C2orf49: variants seen among roughly 807,000 people sequenced by gnomAD.
The protein encoded by C2orf49 is tRNA-splicing ligase complex subunit ASW.
C2orf49 carries 11 observed loss-of-function variants against 20.6 expected under a neutral mutation model. The ratio of observed to expected loss-of-function variants is 0.53; its 90% CI spans 0.34 to 0.88. The LOEUF is 0.88. C2orf49 is among the 40% of genes least tolerant of loss of function. The pLI is 0.02. For missense variants in C2orf49, 289 were observed against 274.2 expected, an observed-to-expected ratio of 1.05 and a Z score of -0.38; for synonymous variants, 134 against 108.5, an observed-to-expected ratio of 1.24 and a Z score of -1.46.
At chr2:105,350,217 C>T (rs530036686), downstream of C2orf49, among the ~76,000 whole-genome samples, 11 of 152,102 alleles carry the variant, frequency 7.2e-5, no homozygotes, top group African/African-American at 1.9e-4. Context: ...CACTAAGTGT[C>T]GGGGGTAGTT....
At chr2:105,342,501 A>G (rs1295200648) in intron 2 of C2orf49, among the ~76,000 whole-genome samples, 4 of 152,240 alleles carry the variant, frequency 2.6e-5, no homozygotes, top group African/African-American at 9.6e-5. Context: ...ATAACTGATT[A>G]CATGGTTAAG....
At chr2:105,372,122 A>C in the C2orf49 span, among the ~76,000 whole-genome samples, 10 of 152,358 alleles carry the variant, frequency 6.6e-5, no homozygotes, top group South Asian at 2.1e-3. Context: ...CAGTTGTTTT[A>C]AAGTTATATT....
At chr2:105,356,309 TGA>T in the C2orf49 span, among the ~76,000 whole-genome samples, 1 of 152,182 alleles carries the variant, frequency 6.6e-6, no homozygotes, top group Non-Finnish European at 1.5e-5. Context: ...GAGAATCACT[TGA>T]ACCTAGGAGG....
rs1311769921 is a variant in C2orf49, at chr2:105,349,121, A to G, written c.*3750A>G. On this transcript the variant is annotated 3_prime_UTR_variant, in exon 4 of 4. Transcript: ENST00000258457. Reference sequence around the variant, plus strand: ...ATTCAGTTGAGAGATTTTATGTTAGAGTGATCTGAAAAAAAGTTAATTTCT... The same window carrying G: ...ATTCAGTTGAGAGATTTTATGTTAGGGTGATCTGAAAAAAAGTTAATTTCT... 1 of 152,222 alleles carries G rather than the reference A, an allele frequency of 6.6e-6. No homozygotes were observed. The highest frequency in any genetic ancestry group is 1.9e-4 in the East Asian group (1 of 5,196). 9.4% of individuals were successfully genotyped at this position (152,222 alleles called of 1,614,324 possible).
the C2orf49 span, among the ~76,000 whole-genome samples, chr2:105,372,988 G>C: frequency 6.6e-6 from 1 of 152,108 alleles, no homozygotes; most frequent in Admixed American, 6.5e-5. Context: ...AAAACCATGA[G>C]GGACACAGTC....
intron 2 of C2orf49, among the ~76,000 whole-genome samples, chr2:105,341,392 C>A (rs1679666115): frequency 6.6e-6 from 1 of 152,194 alleles, no homozygotes; most frequent in Non-Finnish European, 1.5e-5. Flanking sequence ...AAGAGATCAT[C>A]TTGTATTGTT....
the C2orf49 span, among the ~76,000 whole-genome samples, chr2:105,382,209 G>C: frequency 6.6e-6 from 1 of 152,286 alleles, no homozygotes. Flanking sequence ...AACAACTTGA[G>C]CCTCAATTCT....
chr2:105,373,795 T>C, the C2orf49 span: 4 of 1,568,930 alleles, frequency 2.5e-6, no homozygotes, highest in Non-Finnish European at 1.7e-6. Context: ...ACCCACAGCA[T>C]AGGGGCCCCT....
At chr2:105,339,136 A>G (rs978131888) in intron 1 of C2orf49, among the ~76,000 whole-genome samples, 2 of 152,256 alleles carry the variant, frequency 1.3e-5, no homozygotes, top group African/African-American at 2.4e-5. Context: ...TTAGAGAAGC[A>G]CGAGAAATAT....
At chr2:105,377,924 G>T in the C2orf49 span, 1 of 402,192 alleles carries the variant, frequency 2.5e-6, no homozygotes, top group Non-Finnish European at 5.1e-6. Flanking sequence ...CGCCCAGAGG[G>T]GTGGCAAGTT....
At chr2:105,352,792 T>C (rs1326524513), downstream of C2orf49, among the ~76,000 whole-genome samples, 2 of 152,114 alleles carry the variant, frequency 1.3e-5, no homozygotes, top group East Asian at 1.9e-4. Context: ...GATAAAAATT[T>C]GAGAAGGAAT....
At chr2:105,375,803 G>A in the C2orf49 span, 2 of 152,260 alleles carry the variant, frequency 1.3e-5, no homozygotes, top group African/African-American at 4.8e-5. Context: ...TCATCCTTGA[G>A]AACCCAAACT....
intron 3 of C2orf49, 80 bp from the exon 4 acceptor site, chr2:105,345,235 C>G: frequency 4.7e-6 from 6 of 1,277,630 alleles, no homozygotes; most frequent in Non-Finnish European, 6.7e-6. Flanking sequence ...AATAGTAAAC[C>G]TTGGTTGTTT....
rs180906133 is a variant in C2orf49 at position 105,345,396 on chromosome 2, A to T, written c.*25A>T. ...AAGAAAAGTTTCCAAAAATGTAAAT[A>T]TACTGTAACTGTAGTTTTTCAAATA... On this transcript the variant is annotated 3_prime_UTR_variant, in exon 4 of 4. Coordinates refer to ENST00000258457, the MANE Select transcript of C2orf49 (RefSeq NM_024093.3). The T allele has an allele frequency of 4.1e-4, 628 of 1,545,948 alleles. 2 individuals carry two copies. Among genetic ancestry groups the T allele is most frequent in the Non-Finnish European group, 5.3e-4 (596 of 1,122,182 alleles).
At chr2:105,378,263 C>A in the C2orf49 span, 3 of 455,882 alleles carry the variant, frequency 6.6e-6, no homozygotes, top group Admixed American at 7.2e-5. Flanking sequence ...ACACTTGAAA[C>A]TGTCCCTCTA....
chr2:105,351,209 A>G (rs1558670508), downstream of C2orf49, among the ~76,000 whole-genome samples: 3 of 149,518 alleles, frequency 2.0e-5, no homozygotes, highest in Non-Finnish European at 3.0e-5. Flanking sequence ...ACATGATACT[A>G]CTTTTGAGGT....
the C2orf49 span, chr2:105,361,373 G>C: frequency 5.6e-6 from 9 of 1,614,020 alleles, no homozygotes; most frequent in Non-Finnish European, 5.9e-6. Context: ...ACTTCTTACA[G>C]TTAAAGCAGT....
chr2:105,353,203 A>T (rs1679979149), downstream of C2orf49, among the ~76,000 whole-genome samples: 1 of 152,132 alleles, frequency 6.6e-6, no homozygotes, highest in African/African-American at 2.4e-5. Flanking sequence ...ATTCATGAGG[A>T]CAGAGTCCTC....
At chr2:105,370,597 T>G in the C2orf49 span, among the ~76,000 whole-genome samples, 1 of 151,994 alleles carries the variant, frequency 6.6e-6, no homozygotes, top group Admixed American at 6.6e-5. Flanking sequence ...AGCTGGTGGG[T>G]GAGTTTTTCA....
Sources: allele counts gnomAD v4.1 joint callset (sites outside exome capture counted in the v4.1 genomes callset), GRCh38; gene constraint gnomAD v4.1.1; transcripts MANE v1.5; gene names NCBI Gene and HGNC (gene_info 2026-07-23, HGNC 2026-07-21).